Variants in DNAJC6 observed in about 807,000 individuals in gnomAD.
DNAJC6 encodes the protein auxilin.
A neutral mutation model predicts 110.0 loss-of-function variants in DNAJC6; 34 were observed. The observed-to-expected ratio is 0.31, with a 90% CI of 0.24 to 0.41. DNAJC6 has a LOEUF of 0.41. Ranked by LOEUF, DNAJC6 falls within the 10% of genes least tolerant of loss-of-function variation. The pLI is 1.00. For synonymous variants in DNAJC6, 406 were observed against 437.2 expected (o/e 0.93, Z 0.89); for missense variants, 1,031 against 1,207.8 (o/e 0.85, Z 2.17).
intron 1 of DNAJC6, among the ~76,000 whole-genome samples, chr1:65,326,226 C>A (rs1387386698): frequency 6.6e-6 from 1 of 152,138 alleles, no homozygotes; most frequent in Non-Finnish European, 1.5e-5. Flanking sequence ...CTCATCCAGT[C>A]CACTCACTTT....
intron 1 of DNAJC6, among the ~76,000 whole-genome samples, chr1:65,280,561 G>A (rs1653812297): frequency 6.6e-6 from 1 of 152,122 alleles, no homozygotes; most frequent in South Asian, 2.1e-4. Context: ...GGTGCAAAAG[G>A]ACTCCTCCCT....
At chr1:65,347,186 C>T (rs1219005394) in intron 1 of DNAJC6, among the ~76,000 whole-genome samples, 1 of 151,976 alleles carries the variant, frequency 6.6e-6, no homozygotes, top group Non-Finnish European at 1.5e-5. Context: ...ACACACAACA[C>T]AAAATGTGTA....
intron 1 of DNAJC6, among the ~76,000 whole-genome samples, chr1:65,359,677 C>A (rs1311863946): frequency 6.6e-6 from 1 of 152,136 alleles, no homozygotes; most frequent in Non-Finnish European, 1.5e-5. Context: ...CTCTGCATTC[C>A]TAAGAACACA....
At chr1:65,309,064 A>G (rs954252873), upstream of DNAJC6, among the ~76,000 whole-genome samples, 1 of 152,160 alleles carries the variant, frequency 6.6e-6, no homozygotes, top group Non-Finnish European at 1.5e-5. Context: ...TAGGACGGTT[A>G]CCGTCCTGGT....
At chr1:65,338,531 T>C (rs1440392307) in intron 1 of DNAJC6, among the ~76,000 whole-genome samples, 1 of 152,168 alleles carries the variant, frequency 6.6e-6, no homozygotes, top group East Asian at 1.9e-4. Flanking sequence ...GCTTTAAAAT[T>C]TATGTTTGTA....
At chr1:65,281,718 C>T (rs1036380498) in intron 1 of DNAJC6, among the ~76,000 whole-genome samples, 2 of 151,654 alleles carry the variant, frequency 1.3e-5, no homozygotes, top group Non-Finnish European at 2.9e-5. Flanking sequence ...ACACCATTCT[C>T]CTGCCTCAGC....
chr1:65,388,498 A>G, intron 9 of DNAJC6, 83 bp downstream of exon 9: 2 of 1,276,406 alleles, frequency 1.6e-6, no homozygotes, highest in South Asian at 2.4e-5. Flanking sequence ...GCTGTAGCAT[A>G]CCCTGGAATC....
At chr1:65,389,152 A>T in intron 9 of DNAJC6, 104 bp from the exon 10 acceptor site, 1 of 1,045,120 alleles carries the variant, frequency 9.6e-7, no homozygotes, top group Non-Finnish European at 1.4e-6. Context: ...TAGAAATGAG[A>T]CTTAGATTTA....
At chr1:65,319,073 A>G (rs1313160595) in intron 1 of DNAJC6, among the ~76,000 whole-genome samples, 5 of 152,216 alleles carry the variant, frequency 3.3e-5, no homozygotes, top group Non-Finnish European at 7.3e-5. Flanking sequence ...AGCCTGGGGA[A>G]GCATTGCACA....
chr1:65,341,952 T>G (rs1237118162), intron 1 of DNAJC6, among the ~76,000 whole-genome samples: 4 of 152,100 alleles, frequency 2.6e-5, no homozygotes, highest in Non-Finnish European at 5.9e-5. Context: ...AGAAACTAGT[T>G]TTCATTAATT....
rs1296567585 is a variant in DNAJC6, at chr1:65,393,841, C to T, written c.1903+976C>T. ...TTTTTTTCCCCAAGCGTATCCTTCC[C>T]AGAAGGCTCTGGGCTGGTCTTGACT... On this transcript the variant is annotated intron_variant, in intron 12 of 18. Coordinates refer to ENST00000371069, the MANE Select transcript of DNAJC6 (RefSeq NM_001256864.2). 4.6e-5 allele frequency among the ~76,000 whole-genome samples: 7 copies of T among 152,186 alleles called. No homozygotes were observed. In the South Asian group the frequency reaches 1.0e-3, roughly 23 times the overall value.
chr1:65,377,172 A>T (rs1183673874), intron 4 of DNAJC6, among the ~76,000 whole-genome samples: 1 of 152,238 alleles, frequency 6.6e-6, no homozygotes, highest in Admixed American at 6.5e-5. Context: ...CAGTTGGGTA[A>T]AATATTCAGT....
chr1:65,380,916 G>GTTT lies in DNAJC6; in HGVS notation c.666+1394_666+1396dup, dbSNP rs796797174. ...TTTTTTTTTTTTTGTTTTTTGTTTT[G>GTTT]TTTTGTTTTTTTTTTTTTTTTGGGA... is the stretch of plus-strand genomic sequence containing the variant. On this transcript the variant is annotated intron_variant, in intron 5 of 18. Transcript: ENST00000371069. 3.2e-3 allele frequency among the ~76,000 whole-genome samples: 303 copies of GTTT among 93,422 alleles called. 9 individuals are homozygous for GTTT. Among genetic ancestry groups the GTTT allele is most frequent in the East Asian group, 5.7e-3 (17 of 2,964 alleles). 61.3% of individuals were successfully genotyped at this position (93,422 alleles called of 152,430 possible). A position where few individuals can be genotyped will look rare whatever the true frequency, so the allele number is the denominator to read the frequency against.
chr1:65,264,968 G>A (rs762837128), intron 1 of DNAJC6: 2 of 1,595,930 alleles, frequency 1.3e-6, no homozygotes, highest in East Asian at 4.5e-5. Flanking sequence ...GCTAAGAGAG[G>A]GCTAAAGGCT....
chr1:65,392,030 C>T (rs1192191179), intron 11 of DNAJC6, among the ~76,000 whole-genome samples: 2 of 152,176 alleles, frequency 1.3e-5, no homozygotes, highest in African/African-American at 4.8e-5. Flanking sequence ...CCTATCTCAG[C>T]CTCCTAAAGT....
intron 15 of DNAJC6, among the ~76,000 whole-genome samples, chr1:65,402,983 T>C (rs2101630722): frequency 6.6e-6 from 1 of 152,330 alleles, no homozygotes; most frequent in South Asian, 2.1e-4. Context: ...CAACAAGTAT[T>C]TAAGGCACTT....
intron 1 of DNAJC6, among the ~76,000 whole-genome samples, chr1:65,344,895 C>G (rs1039576258): frequency 4.6e-5 from 7 of 152,078 alleles, no homozygotes; most frequent in African/African-American, 1.7e-4. Context: ...TTCCCAGATG[C>G]CTGATCTGTA....
intron 1 of DNAJC6, among the ~76,000 whole-genome samples, chr1:65,360,085 C>T (rs1645583677): frequency 6.6e-6 from 1 of 152,132 alleles, no homozygotes; most frequent in South Asian, 2.1e-4. Flanking sequence ...CCATTTTCTT[C>T]TTTGTTGTGC....
At chr1:65,278,985 A>G in intron 1 of DNAJC6, 1 of 985,320 alleles carries the variant, frequency 1.0e-6, no homozygotes, top group Non-Finnish European at 1.2e-6. Flanking sequence ...CCCCTTCCCC[A>G]TGGCAGTTTA....
Sources: allele counts gnomAD v4.1 joint callset (sites outside exome capture counted in the v4.1 genomes callset), GRCh38; gene constraint gnomAD v4.1.1; transcripts MANE v1.5; gene names NCBI Gene and HGNC (gene_info 2026-07-23, HGNC 2026-07-21).